Variants in AFG3L2 observed in about 807,000 individuals in gnomAD.
The protein encoded by AFG3L2 is AFG3 like matrix AAA peptidase subunit 2, also known as mitochondrial inner membrane m-AAA protease component AFG3L2.
In AFG3L2, 54 loss-of-function variants were observed where a neutral mutation model predicts 94.5. The observed-to-expected ratio is 0.57, with a 90% CI of 0.46 to 0.72. The LOEUF (loss-of-function observed/expected upper bound fraction) is 0.72, where lower values mean the gene tolerates loss of function less well. Ranked by LOEUF, AFG3L2 falls within the 30% of genes least tolerant of loss-of-function variation. AFG3L2 has a pLI of 0.00. For missense variants in AFG3L2, 754 were observed against 994.9 expected (o/e 0.76, Z 3.26); for synonymous variants, 377 against 365.5 (o/e 1.03, Z -0.36).
intron 16 of AFG3L2, among the ~76,000 whole-genome samples, chr18:12,333,205 TAATA>T (rs1907630765): frequency 8.2e-6 from 1 of 121,882 alleles, no homozygotes; most frequent in Non-Finnish European, 1.6e-5. Context: ...TATAATAATC[TAATA>T]TATAATCTAT....
At chr18:12,356,643 T>C (rs1908503956) in intron 9 of AFG3L2, 51 bp downstream of exon 9, 1 of 1,613,248 alleles carries the variant, frequency 6.2e-7, no homozygotes. Flanking sequence ...CCATCTGTGG[T>C]GAAGTGGTGG....
chr18:12,362,036 C>G (rs746553772), intron 6 of AFG3L2, among the ~76,000 whole-genome samples: 1 of 152,248 alleles, frequency 6.6e-6, no homozygotes, highest in Non-Finnish European at 1.5e-5. Flanking sequence ...ATTCTCAGAA[C>G]ACAATCTAGA....
intron 16 of AFG3L2, among the ~76,000 whole-genome samples, chr18:12,335,833 T>C (rs899528871): frequency 1.3e-5 from 2 of 152,220 alleles, no homozygotes; most frequent in African/African-American, 4.8e-5. Context: ...TTCCAGTGTT[T>C]TGGGGATGCT....
At chr18:12,369,092 T>C (rs1365981265) in intron 3 of AFG3L2, among the ~76,000 whole-genome samples, 1 of 152,034 alleles carries the variant, frequency 6.6e-6, no homozygotes. Context: ...AGGTATGATA[T>C]GCACAAGCCT....
At chr18:12,330,251 G>T (rs950406809) in intron 16 of AFG3L2, among the ~76,000 whole-genome samples, 1 of 151,844 alleles carries the variant, frequency 6.6e-6, no homozygotes, top group African/African-American at 2.4e-5. Context: ...ACTTGAACCC[G>T]GGAGGCGGAG....
Position 12,351,343 on chromosome 18 carries a change from C to T in AFG3L2, c.1389G>A (p.Leu463=), listed in dbSNP as rs11080572. The T allele has an allele frequency of 0.76, 1,223,245 of 1,613,846 alleles. 469,062 individuals carry two copies. The highest frequency in any genetic ancestry group is 0.79 in the Non-Finnish European group (927,403 of 1,179,956). The change falls in exon 11 of 17, where the codon CTG becomes CTA. Residue 463 remains leucine (L), a synonymous_variant. Transcript: ENST00000269143. Reference sequence around the variant, plus strand: ...GCCTGTCGAAACGCCCCGGCCTAAGCAGCGCGGGGTCCAGGATATCTGGTC... The same window carrying T: ...GCCTGTCGAAACGCCCCGGCCTAAGTAGCGCGGGGTCCAGGATATCTGGTC... ...TNRPDILDPA[L]LRPGRFDRQI...
At chr18:12,367,143 G>A in intron 4 of AFG3L2, 26 bp from the exon 5 acceptor site, 1 of 1,614,144 alleles carries the variant, frequency 6.2e-7, no homozygotes, top group Non-Finnish European at 8.5e-7. Flanking sequence ...GACAGCTTCT[G>A]TGAAGAATGA....
Position 12,329,220 on chromosome 18 carries a change from C to G in AFG3L2, c.*345G>C, listed in dbSNP as rs773895356. 4 of 702,842 alleles carry G rather than the reference C, an allele frequency of 5.7e-6. No individual in the cohort carries two copies. The South Asian group carries it at 5.9e-5, about 10-fold the overall frequency. 43.5% of individuals were successfully genotyped at this position (702,842 alleles called of 1,614,324 possible). The stretch of plus-strand genomic sequence containing the variant: ...CAAAGAGAAAGCATCCCTTCCCACA[C>G]GCCAAGAGTCCAGTGCAACGATCCC... On this transcript the variant is annotated 3_prime_UTR_variant, in exon 17 of 17. Transcript: ENST00000269143.
At chr18:12,362,682 G>A (rs539897566) in intron 6 of AFG3L2, among the ~76,000 whole-genome samples, 4 of 152,282 alleles carry the variant, frequency 2.6e-5, no homozygotes, top group Admixed American at 6.5e-5. Flanking sequence ...CTGCTCAGCC[G>A]GAAACAGAAC....
chr18:12,348,516 A>G, intron 12 of AFG3L2, 133 bp from the exon 13 acceptor site: 1 of 744,742 alleles, frequency 1.3e-6, no homozygotes, highest in Non-Finnish European at 2.4e-6. Flanking sequence ...TGTAAATATA[A>G]TTCTGTTTTG....
chr18:12,329,911 C>A, intron 16 of AFG3L2, 128 bp from the exon 17 acceptor site: 1 of 792,318 alleles, frequency 1.3e-6, no homozygotes, highest in Non-Finnish European at 2.1e-6. Context: ...ATGTCTCATA[C>A]ATAAGGTTGC....
rs751124519 is a variant in AFG3L2, at chr18:12,356,663, A to T, written c.1164+31T>A. On this transcript the variant is annotated intron_variant, in intron 9 of 16. Transcript: ENST00000269143. ...TGTGGTGAAGTGGTGGGTGCAAGGA[A>T]GCTGTACCATCCGAACAGAATGAGA... 3.1e-6 allele frequency: 5 copies of T among 1,613,824 alleles called. No individual in the cohort carries two copies. In the African/African-American group the frequency reaches 6.7e-5, roughly 22 times the overall value.
chr18:12,354,140 C>T (rs995078533), intron 9 of AFG3L2, among the ~76,000 whole-genome samples: 17 of 136,618 alleles, frequency 1.2e-4, no homozygotes, highest in African/African-American at 1.8e-4. Flanking sequence ...CCACCCCCCC[C>T]CCCCCACTTC....
chr18:12,367,227 C>G (rs1908834260), intron 4 of AFG3L2, 49 bp downstream of exon 4: 1 of 1,613,172 alleles, frequency 6.2e-7, no homozygotes, highest in Admixed American at 1.7e-5. Context: ...CCAACCTTCT[C>G]TGGGCCACCA....
intron 16 of AFG3L2, among the ~76,000 whole-genome samples, chr18:12,335,320 G>A (rs976586892): frequency 6.6e-6 from 1 of 152,104 alleles, no homozygotes; most frequent in Non-Finnish European, 1.5e-5. Context: ...AGGATTTACT[G>A]AACAAGAGAT....
chr18:12,348,922 A>G (rs147364745), intron 12 of AFG3L2, among the ~76,000 whole-genome samples: 3 of 152,266 alleles, frequency 2.0e-5, no homozygotes, highest in Non-Finnish European at 4.4e-5. Flanking sequence ...AAGCTACAGC[A>G]TACCATCTGT....
Position 12,353,011 on chromosome 18 carries a change from T to C in AFG3L2, c.1312A>G (p.Met438Val). 1.2e-6 allele frequency: 2 copies of C among 1,613,320 alleles called. No individual in the cohort carries two copies. The highest frequency in any genetic ancestry group is 1.7e-6 in the Non-Finnish European group (2 of 1,179,748). The change falls in exon 10 of 17, where the codon ATG becomes GTG. Residue 438 changes from methionine to valine, a missense_variant. By Grantham distance (21) the Met-to-Val change is conservative. This residue lies in a region of AFG3L2 where 109 missense variants were observed against 227.1 expected (regional missense o/e 0.48). Coordinates refer to ENST00000269143, the MANE Select transcript of AFG3L2 (RefSeq NM_006796.3). ...AAAAGCCTTGACCACTCACCATCCA[T>C]CTCCACCAGCAGCTGGTTGAGTGTG... ...ENTLNQLLVEMDGFNTTTNVV... is the reference protein window; with the variant it reads ...ENTLNQLLVEVDGFNTTTNVV...
At chr18:12,344,797 C>A (rs1026205507) in intron 13 of AFG3L2, among the ~76,000 whole-genome samples, 1 of 152,142 alleles carries the variant, frequency 6.6e-6, no homozygotes, top group Non-Finnish European at 1.5e-5. Flanking sequence ...AATGCACTCA[C>A]TCCCCCATCC....
At chr18:12,364,573 T>C (rs1908752638) in intron 5 of AFG3L2, among the ~76,000 whole-genome samples, 1 of 152,230 alleles carries the variant, frequency 6.6e-6, no homozygotes, top group African/African-American at 2.4e-5. Context: ...CTATAGGACA[T>C]ACCAACATTT....
Sources: gnomAD v4.1 joint callset for allele counts (sites outside exome capture counted in the v4.1 genomes callset) on GRCh38, gnomAD v4.1.1 for gene constraint, gnomAD v4.1.1 regional missense constraint, MANE v1.5 for transcripts, NCBI Gene and HGNC (gene_info 2026-07-23, HGNC 2026-07-21) for gene names.